OLFM3: variants seen among roughly 807,000 people sequenced by gnomAD.
The protein encoded by OLFM3 is olfactomedin 3, also known as noelin-3.
In OLFM3, 20 loss-of-function variants were observed where a neutral mutation model predicts 48.6. That is an observed-to-expected ratio of 0.41 (90% confidence interval 0.29 to 0.60). The LOEUF is 0.60. Ranked by LOEUF, OLFM3 falls within the 20% of genes least tolerant of loss-of-function variation. The probability of loss-of-function intolerance (pLI) is 0.28; values close to 1 mark genes in which losing one functional copy is unlikely to be tolerated. For synonymous variants in OLFM3, 222 were observed against 198.1 expected (o/e 1.12, Z -1.01); for missense variants, 437 against 544.3 (o/e 0.80, Z 1.96).
intron 1 of OLFM3, among the ~76,000 whole-genome samples, chr1:101,856,889 G>C (rs1471581274): frequency 6.6e-6 from 1 of 151,944 alleles, no homozygotes; most frequent in Non-Finnish European, 1.5e-5. Flanking sequence ...TACCTATAGG[G>C]ATATAATGGA....
intron 1 of OLFM3, among the ~76,000 whole-genome samples, chr1:101,946,945 C>G (rs1659982150): frequency 6.6e-6 from 1 of 151,978 alleles, no homozygotes; most frequent in South Asian, 2.1e-4. Flanking sequence ...AAGTAAAAAA[C>G]AAAATGCCTT....
At chr1:101,879,728 T>G (rs1425404330) in intron 1 of OLFM3, among the ~76,000 whole-genome samples, 1 of 151,904 alleles carries the variant, frequency 6.6e-6, no homozygotes, top group Non-Finnish European at 1.5e-5. Flanking sequence ...TTATTCTGTA[T>G]TCAGTAAATT....
At position 101,830,819 on chromosome 1, in the gene OLFM3, G is replaced by A. The variant is rs753266746; in HGVS notation, c.225C>T (p.Asn75=). 2.2e-5 allele frequency: 36 copies of A among 1,612,760 alleles called. No individual in the cohort carries two copies. The highest frequency in any genetic ancestry group is 3.0e-5 in the Non-Finnish European group (35 of 1,179,526). The part of the protein sequence containing the change: ...QLRQLLEKVQ[N]MSQSIEVLNL... ...TTAAGACTTCAATAGACTGGGACATGTTCTGAACCTGTTGAACAAGAATAT... is the reference window on the plus strand; with the variant it reads ...TTAAGACTTCAATAGACTGGGACATATTCTGAACCTGTTGAACAAGAATAT... The change falls in exon 3 of 6, where the codon AAC becomes AAT. Residue 75 remains asparagine, a synonymous_variant. Coordinates refer to ENST00000370103, the MANE Select transcript of OLFM3 (RefSeq NM_058170.4).
chr1:101,952,938 A>G (rs2101073609), intron 1 of OLFM3, among the ~76,000 whole-genome samples: 1 of 152,298 alleles, frequency 6.6e-6, no homozygotes, highest in Middle Eastern at 3.4e-3. Flanking sequence ...TTCAGTGGCT[A>G]TTCAGCACTT....
chr1:101,864,459 C>T lies in OLFM3; in HGVS notation c.70-27434G>A, dbSNP rs146845516. Among the ~76,000 whole-genome samples, 1,041 of 152,186 alleles carry T rather than the reference C, an allele frequency of 6.8e-3. 10 individuals carry two copies. The highest frequency in any genetic ancestry group is 0.037 in the Middle Eastern group (11 of 294). ...GTAATCTTCAACTTGAAAGTTAAGA[C>T]CCTAAACAGTATTTACTGAAGTATT... On this transcript the variant is annotated intron_variant, in intron 1 of 5. Coordinates refer to ENST00000370103, the MANE Select transcript of OLFM3 (RefSeq NM_058170.4).
At chr1:101,891,265 G>A (rs897599514) in intron 1 of OLFM3, among the ~76,000 whole-genome samples, 1 of 151,882 alleles carries the variant, frequency 6.6e-6, no homozygotes, top group African/African-American at 2.4e-5. Context: ...AAAATAAACA[G>A]TGGCTTGGGT....
At chr1:101,968,569 C>CTCATGTA (rs1660691778) in intron 1 of OLFM3, among the ~76,000 whole-genome samples, 1 of 148,934 alleles carries the variant, frequency 6.7e-6, no homozygotes, top group African/African-American at 2.5e-5. Context: ...GTACCCCTTC[C>CTCATGTA]TCATGTATCC....
At chr1:101,852,237 A>G (rs1445118077) in intron 1 of OLFM3, among the ~76,000 whole-genome samples, 1 of 152,052 alleles carries the variant, frequency 6.6e-6, no homozygotes, top group African/African-American at 2.4e-5. Flanking sequence ...AGAATTGTTT[A>G]TACTTACCAT....
intron 1 of OLFM3, among the ~76,000 whole-genome samples, chr1:101,953,781 G>A (rs79415857): frequency 1.3e-5 from 2 of 151,946 alleles, no homozygotes; most frequent in African/African-American, 4.8e-5. Context: ...CAGGATGCTG[G>A]GCCCAGCAGG....
intron 1 of OLFM3, among the ~76,000 whole-genome samples, chr1:101,868,450 C>T (rs1196251445): frequency 6.6e-6 from 1 of 152,070 alleles, no homozygotes; most frequent in Non-Finnish European, 1.5e-5. Context: ...GGCATTTTGC[C>T]CCAGCCCTAA....
chr1:101,873,211 C>T (rs1657154046), intron 1 of OLFM3, among the ~76,000 whole-genome samples: 1 of 151,848 alleles, frequency 6.6e-6, no homozygotes, highest in Non-Finnish European at 1.5e-5. Context: ...CTTTACATTG[C>T]TTCCAAGCTT....
At chr1:101,951,629 CA>C (rs1404214866) in intron 1 of OLFM3, among the ~76,000 whole-genome samples, 1 of 151,656 alleles carries the variant, frequency 6.6e-6, no homozygotes, top group African/African-American at 2.4e-5. Context: ...TTGAATAAGC[CA>C]AAAAAAGGAA....
At chr1:101,885,857 T>G (rs1657735265) in intron 1 of OLFM3, among the ~76,000 whole-genome samples, 1 of 152,110 alleles carries the variant, frequency 6.6e-6, no homozygotes, top group Non-Finnish European at 1.5e-5. Flanking sequence ...CATCTTCCAG[T>G]CAACAGCAGG....
chr1:101,981,085 A>G (rs1661093580), intron 1 of OLFM3, among the ~76,000 whole-genome samples: 1 of 152,126 alleles, frequency 6.6e-6, no homozygotes, highest in Non-Finnish European at 1.5e-5. Flanking sequence ...GCCCTTTGCC[A>G]CACTTCTCTG....
At chr1:101,843,005 A>G (rs1286629302) in intron 1 of OLFM3, among the ~76,000 whole-genome samples, 1 of 152,218 alleles carries the variant, frequency 6.6e-6, no homozygotes, top group African/African-American at 2.4e-5. Flanking sequence ...TAGGGAAGGA[A>G]AACAGAATTT....
intron 1 of OLFM3, chr1:101,893,999 A>G (rs1228380039): frequency 6.5e-6 from 1 of 153,594 alleles, no homozygotes; most frequent in African/African-American, 2.4e-5. Flanking sequence ...ATGGAAAAGC[A>G]TGAGGATGAT....
At chr1:101,893,330 G>T in intron 1 of OLFM3, 1 of 380,434 alleles carries the variant, frequency 2.6e-6, no homozygotes, top group South Asian at 2.5e-5. Flanking sequence ...GATAGAACCC[G>T]GAATAGCTCA....
chr1:101,921,368 C>A (rs12080933), intron 1 of OLFM3, among the ~76,000 whole-genome samples: 53,434 of 151,910 alleles, frequency 0.35, 9,491 homozygotes, highest in African/African-American at 0.41. Flanking sequence ...AAAGTTCAGC[C>A]GCAAAAGAAA....
At chr1:101,968,344 T>A (rs1660679729) in intron 1 of OLFM3, among the ~76,000 whole-genome samples, 1 of 152,262 alleles carries the variant, frequency 6.6e-6, no homozygotes, top group East Asian at 1.9e-4. Flanking sequence ...GATTTCCAAG[T>A]CAGAGAAGAT....
Sources: gnomAD v4.1 joint callset for allele counts (sites outside exome capture counted in the v4.1 genomes callset) on GRCh38, gnomAD v4.1.1 for gene constraint, MANE v1.5 for transcripts, NCBI Gene and HGNC (gene_info 2026-07-23, HGNC 2026-07-21) for gene names.